NRG2: variants seen among roughly 807,000 people sequenced by gnomAD.
NRG2 encodes pro-neuregulin-2, membrane-bound isoform.
In NRG2, 27 loss-of-function variants were observed where a neutral mutation model predicts 73.9. The observed-to-expected ratio is 0.37, with a 90% CI of 0.27 to 0.50. The LOEUF (loss-of-function observed/expected upper bound fraction) is 0.50. Ranked by LOEUF, NRG2 falls within the 20% of genes least tolerant of loss-of-function variation. The pLI is 0.96. For missense variants in NRG2, 1,126 were observed against 1,210.1 expected (o/e 0.93, Z 1.03); for synonymous variants, 532 against 541.0 (o/e 0.98, Z 0.23).
chr5:140,032,586 C>CT (rs1213898434), intron 1 of NRG2, among the ~76,000 whole-genome samples: 1 of 152,142 alleles, frequency 6.6e-6, no homozygotes, highest in African/African-American at 2.4e-5. Flanking sequence ...CCCACTGCTC[C>CT]CTTTTTACTT....
chr5:139,966,959 A>G (rs1270560084), intron 1 of NRG2, among the ~76,000 whole-genome samples: 1 of 152,176 alleles, frequency 6.6e-6, no homozygotes, highest in African/African-American at 2.4e-5. Flanking sequence ...GGGAGGAAAC[A>G]GGGGTCATGC....
In NRG2 at chr5:139,852,145, C is replaced by A. The variant is rs1471641695; in HGVS notation, c.1544+287G>T. ...TTCCACCACCGTGGTCCTTAGCTAC[C>A]TATCTCAGAAGCCCAGCCCCAGGGG... On this transcript the variant is annotated intron_variant, in intron 8 of 9. Transcript: ENST00000361474. This position sits in a 1 kb window ranked among gnomAD's most constrained non-coding sequence, Gnocchi z 4.4. Among the ~76,000 whole-genome samples the A allele has an allele frequency of 6.6e-6, 1 of 152,218 alleles. No homozygotes were observed. Among genetic ancestry groups the A allele is most frequent in the Non-Finnish European group, 1.5e-5 (1 of 68,042 alleles).
At chr5:139,940,614 TG>T (rs1253017385) in intron 1 of NRG2, among the ~76,000 whole-genome samples, 3 of 152,086 alleles carry the variant, frequency 2.0e-5, no homozygotes, top group African/African-American at 7.2e-5. Flanking sequence ...CATAGTTAAG[TG>T]GAAAAAACTA....
chr5:140,021,888 C>T (rs1760260055), intron 1 of NRG2, among the ~76,000 whole-genome samples: 1 of 152,212 alleles, frequency 6.6e-6, no homozygotes. Flanking sequence ...CATCCCCAGC[C>T]CTCGGTTCTT....
chr5:139,879,934 G>A (rs1191004553), intron 3 of NRG2, among the ~76,000 whole-genome samples: 1 of 152,168 alleles, frequency 6.6e-6, no homozygotes, highest in African/African-American at 2.4e-5. Flanking sequence ...GAGGGTCATA[G>A]GGCAGAGAGT....
intron 3 of NRG2, among the ~76,000 whole-genome samples, chr5:139,876,090 G>A (rs1171056812): frequency 6.6e-6 from 1 of 151,954 alleles, no homozygotes; most frequent in Non-Finnish European, 1.5e-5. Flanking sequence ...CAATCCAAAT[G>A]ACCCAAGAAT....
At position 139,955,324 on chromosome 5, in the gene NRG2, A is replaced by T. The variant is rs148132041; in HGVS notation, c.701-67813T>A. Among the ~76,000 whole-genome samples, 609 of 151,954 alleles carry T rather than the reference A, an allele frequency of 4.0e-3. 3 individuals are homozygous for T. Among genetic ancestry groups the T allele is most frequent in the African/African-American group, 0.014 (598 of 41,414 alleles). ...GAGTTAGCAGAGTGGAGGGAGGGAGAGGTGTTGCAGAGAGGAGGAGCAGCA... is the reference window on the plus strand; with the variant it reads ...GAGTTAGCAGAGTGGAGGGAGGGAGTGGTGTTGCAGAGAGGAGGAGCAGCA... On this transcript the variant is annotated intron_variant, in intron 1 of 9. Coordinates refer to ENST00000361474, the MANE Select transcript of NRG2 (RefSeq NM_004883.3).
chr5:139,904,369 C>T lies in NRG2; in HGVS notation c.701-16858G>A, dbSNP rs1581910362. ...CCCCTCTGGGTGCTTCTTGCCGCGG[C>T]CGCGGCCCCTCCTCCTGGACTCCGA... On this transcript the variant is annotated intron_variant, in intron 1 of 9. Transcript: ENST00000361474. This position sits in a 1 kb window ranked among gnomAD's most constrained non-coding sequence, Gnocchi z 6.0. The T allele has an allele frequency of 6.3e-7, 1 of 1,586,330 alleles. No individual in the cohort carries two copies. Among genetic ancestry groups the T allele is most frequent in the Non-Finnish European group, 8.5e-7 (1 of 1,174,592 alleles).
At chr5:139,941,195 G>C (rs556292021) in intron 1 of NRG2, among the ~76,000 whole-genome samples, 3 of 152,226 alleles carry the variant, frequency 2.0e-5, no homozygotes, top group Admixed American at 1.3e-4. Flanking sequence ...TTTCTGTTAA[G>C]AGCCAGGTAT....
chr5:139,935,171 TA>T (rs1479474670), intron 1 of NRG2, among the ~76,000 whole-genome samples: 1 of 150,368 alleles, frequency 6.7e-6, no homozygotes, highest in Non-Finnish European at 1.5e-5. Flanking sequence ...TTGTCTCAGT[TA>T]AAAAAAAAGA....
At chr5:139,922,582 A>G (rs1751754215) in intron 1 of NRG2, among the ~76,000 whole-genome samples, 1 of 152,236 alleles carries the variant, frequency 6.6e-6, no homozygotes, top group Non-Finnish European at 1.5e-5. Context: ...CATATGATCC[A>G]GCAATTGTAC....
chr5:139,956,021 A>C (rs1368939225), intron 1 of NRG2, among the ~76,000 whole-genome samples: 1 of 152,232 alleles, frequency 6.6e-6, no homozygotes. Flanking sequence ...CCATAGGAGC[A>C]GGCAGATGCT....
At chr5:139,969,441 A>G (rs745561941) in intron 1 of NRG2, among the ~76,000 whole-genome samples, 2 of 152,220 alleles carry the variant, frequency 1.3e-5, no homozygotes, top group Non-Finnish European at 2.9e-5. Flanking sequence ...GTTTCTACCA[A>G]TTAGAGCTGA....
In NRG2 at chr5:139,915,905, T is replaced by A. The variant is rs1267770506; in HGVS notation, c.701-28394A>T. Reference sequence around the variant, plus strand: ...AGAATGATGAATATTACATTTTGACTGACATGTAGGAAGTCATGGAGATAA... The same window carrying A: ...AGAATGATGAATATTACATTTTGACAGACATGTAGGAAGTCATGGAGATAA... On this transcript the variant is annotated intron_variant, in intron 1 of 9. Transcript: ENST00000361474. This position sits in a 1 kb window ranked among gnomAD's most constrained non-coding sequence, Gnocchi z 4.0. 6.6e-6 allele frequency among the ~76,000 whole-genome samples: 1 copy of A among 152,192 alleles called. No homozygotes were observed. Among genetic ancestry groups the A allele is most frequent in the Non-Finnish European group, 1.5e-5 (1 of 68,024 alleles).
intron 1 of NRG2, among the ~76,000 whole-genome samples, chr5:139,928,193 A>C (rs1752206697): frequency 6.6e-6 from 1 of 152,202 alleles, no homozygotes; most frequent in East Asian, 1.9e-4. Flanking sequence ...ACAAGTGAGC[A>C]TGAATGCCCA....
At chr5:139,953,582 A>T (rs1006754473) in intron 1 of NRG2, among the ~76,000 whole-genome samples, 4 of 152,184 alleles carry the variant, frequency 2.6e-5, no homozygotes, top group Non-Finnish European at 4.4e-5. Flanking sequence ...TACCTGGGGC[A>T]CTGCACTAGG....
intron 1 of NRG2, among the ~76,000 whole-genome samples, chr5:140,035,286 GA>G (rs1734152556): frequency 6.6e-6 from 1 of 152,068 alleles, no homozygotes; most frequent in African/African-American, 2.4e-5. Context: ...ACTTCTCCAA[GA>G]AACTTTCTTT....
chr5:139,875,778 C>A (rs982421204), intron 3 of NRG2, among the ~76,000 whole-genome samples: 1 of 152,060 alleles, frequency 6.6e-6, no homozygotes, highest in African/African-American at 2.4e-5. Flanking sequence ...CATACACATA[C>A]GCACACACTC....
chr5:139,859,750 G>C, intron 5 of NRG2: 1 of 834,998 alleles, frequency 1.2e-6, no homozygotes, highest in Non-Finnish European at 1.9e-6. Context: ...AGGACATCTC[G>C]ATGGGGCCAG....
Sources: allele counts gnomAD v4.1 joint callset (sites outside exome capture counted in the v4.1 genomes callset), GRCh38; gene constraint gnomAD v4.1.1; non-coding constraint Gnocchi (gnomAD v3.1); transcripts MANE v1.5; gene names NCBI Gene and HGNC (gene_info 2026-07-23, HGNC 2026-07-21).